SLIT3: variants seen among roughly 807,000 people sequenced by gnomAD.
SLIT3 encodes the protein slit homolog 3 protein.
A neutral mutation model predicts 184.0 loss-of-function variants in SLIT3; 68 were observed. The observed-to-expected ratio is 0.37, with a 90% CI of 0.30 to 0.45. The LOEUF (loss-of-function observed/expected upper bound fraction) is 0.45, where lower values mean the gene tolerates loss of function less well. Among genes scored for constraint, SLIT3 ranks in the 20% least tolerant of loss-of-function variants. The probability of loss-of-function intolerance (pLI) is 1.00; values close to 1 mark genes in which losing one functional copy is unlikely to be tolerated. For missense variants in SLIT3, 1,707 were observed against 2,026.0 expected (o/e 0.84, Z 3.02); for synonymous variants, 831 against 828.6 (o/e 1.00, Z -0.05).
chr5:168,694,611 A>C (rs10062544), intron 28 of SLIT3, among the ~76,000 whole-genome samples: 76,508 of 151,460 alleles, frequency 0.51, 19,758 homozygotes, highest in East Asian at 0.76. Flanking sequence ...CTCTTTCTTT[A>C]TCTCTCTCTC....
At chr5:169,260,971 T>C (rs1022342686) in intron 1 of SLIT3, among the ~76,000 whole-genome samples, 1 of 152,248 alleles carries the variant, frequency 6.6e-6, no homozygotes, top group African/African-American at 2.4e-5. Flanking sequence ...ATGTTTTCTA[T>C]CACAACTATT....
intron 7 of SLIT3, among the ~76,000 whole-genome samples, chr5:168,820,928 C>T (rs1238735889): frequency 6.6e-6 from 1 of 152,098 alleles, no homozygotes; most frequent in Non-Finnish European, 1.5e-5. Context: ...TCTCCTCTTC[C>T]CCGCTTCTCC....
chr5:169,184,937 T>C lies in SLIT3; in HGVS notation c.413+8542A>G, dbSNP rs76628246. ...TGCTATTCCTAGCTCAAAAATTCTG[T>C]AATGCAAGAATCTACAAGGCAATTT... is the stretch of plus-strand genomic sequence containing the variant. On this transcript the variant is annotated intron_variant, in intron 4 of 35. Transcript: ENST00000519560. 0.017 allele frequency among the ~76,000 whole-genome samples: 2,658 copies of C among 152,312 alleles called. 159 individuals carry two copies. In the East Asian group the frequency reaches 0.22, roughly 13 times the overall value.
At chr5:168,706,229 G>T (rs529203082) in intron 26 of SLIT3, among the ~76,000 whole-genome samples, 1 of 152,326 alleles carries the variant, frequency 6.6e-6, no homozygotes, top group East Asian at 1.9e-4. Flanking sequence ...TGAATGCCAG[G>T]TATCATCCTA....
At position 168,817,487 on chromosome 5, in the gene SLIT3, A is replaced by G. The variant is rs80155603; in HGVS notation, c.630-24T>C. 9.0e-4 allele frequency: 1,420 copies of G among 1,583,972 alleles called. 14 individuals are homozygous for G. In the African/African-American group the frequency reaches 0.02, roughly 22 times the overall value. The stretch of plus-strand genomic sequence containing the variant: ...GCCTGGGAGAGGGCGGGACAGAGAG[A>G]AGGCATGGTCACAGGTGAAGTGTGG... On this transcript the variant is annotated intron_variant, in intron 7 of 35. Transcript: ENST00000519560.
chr5:169,088,748 G>A lies in SLIT3; in HGVS notation c.413+104731C>T, dbSNP rs866960491. On this transcript the variant is annotated intron_variant, in intron 4 of 35. Transcript: ENST00000519560. ...AGAAGAGCTGACTGTGGCTGGGCAC[G>A]GTGGCTCATGCCTGTAATCCCAGCA... Among the ~76,000 whole-genome samples, 13 of 151,962 alleles carry A rather than the reference G, an allele frequency of 8.6e-5. 1 individual carries two copies. The highest frequency in any genetic ancestry group is 4.2e-4 in the South Asian group (2 of 4,818).
At position 168,669,801 on chromosome 5, in the gene SLIT3, C is replaced by A; in HGVS notation, c.4318G>T (p.Gly1440Cys). ...GACCCACCTTGTTGGCAGTGCTCGC[C>A]GCTAAAGCCGGGCTGGCACAGGCAG... is the stretch of plus-strand genomic sequence containing the variant. ...PYCLCQPGFS[G>C]EHCQQENPCL... Residue 1440 changes from glycine (G) to cysteine (C), a missense_variant, in exon 35 of 36, where the codon GGC (glycine) becomes TGC (cysteine). Around this residue, in one of 3 missense-constraint regions of SLIT3, gnomAD observed 387 missense variants for 477.9 expected, o/e 0.81. Transcript: ENST00000519560. 6.2e-7 allele frequency: 1 copy of A among 1,613,666 alleles called. No homozygotes were observed.
intron 20 of SLIT3, among the ~76,000 whole-genome samples, chr5:168,726,677 A>G (rs1763140267): frequency 6.6e-6 from 1 of 151,970 alleles, no homozygotes; most frequent in African/African-American, 2.4e-5. Flanking sequence ...TACTGCAGAA[A>G]GATGCAGTTG....
At chr5:168,672,823 T>A (rs1453705104) in intron 33 of SLIT3, among the ~76,000 whole-genome samples, 1 of 152,120 alleles carries the variant, frequency 6.6e-6, no homozygotes, top group Non-Finnish European at 1.5e-5. Context: ...TCTACATTCA[T>A]TAATTGAACC....
rs1414367548 is a variant in SLIT3, at chr5:168,760,744, G to A, written c.1685+118C>T. 2.7e-5 allele frequency: 20 copies of A among 735,122 alleles called. No homozygotes were observed. In the South Asian group the frequency reaches 3.3e-4, roughly 12 times the overall value. The allele number at this position is 735,122 out of a possible 1,614,324, so 45.5% of individuals were successfully genotyped here. A position where few individuals can be genotyped will look rare whatever the true frequency, so the allele number is the denominator to read the frequency against. ...AGGCCACAGCGGGGCTGAGGAGAAG[G>A]CTGGGAGGGAGTGGAGCAGAGGCTG... On this transcript the variant is annotated intron_variant, in intron 16 of 35. Transcript: ENST00000519560.
At chr5:168,726,250 T>C (rs551738319) in intron 20 of SLIT3, among the ~76,000 whole-genome samples, 1 of 151,546 alleles carries the variant, frequency 6.6e-6, no homozygotes, top group Non-Finnish European at 1.5e-5. Flanking sequence ...AAGTATTTAT[T>C]GAACGATTAT....
chr5:168,855,067 A>G (rs1240157640), intron 5 of SLIT3, among the ~76,000 whole-genome samples: 3 of 152,250 alleles, frequency 2.0e-5, no homozygotes, highest in Non-Finnish European at 4.4e-5. Context: ...TATCAGCAAC[A>G]GGAGAGCGGG....
At chr5:168,744,085 C>G (rs1019902387) in intron 20 of SLIT3, among the ~76,000 whole-genome samples, 2 of 152,124 alleles carry the variant, frequency 1.3e-5, no homozygotes, top group African/African-American at 4.8e-5. Flanking sequence ...GTCAGGAGAT[C>G]GAGACCATCC....
At position 168,752,994 on chromosome 5, in the gene SLIT3, G is replaced by T. The variant is rs765735352; in HGVS notation, c.1934C>A (p.Thr645Asn). 3 of 1,614,084 alleles carry T rather than the reference G, an allele frequency of 1.9e-6. No individual in the cohort carries two copies. Among genetic ancestry groups the T allele is most frequent in the Non-Finnish European group, 2.5e-6 (3 of 1,180,004 alleles). The change falls in exon 18 of 36, where the codon ACC (threonine) becomes AAC (asparagine). Residue 645 changes from threonine to asparagine, a missense_variant. Coordinates refer to ENST00000519560, the MANE Select transcript of SLIT3 (RefSeq NM_003062.4). Reference protein sequence around the residue: ...SLYDNRITTITPGAFTTLVSL... With the variant: ...SLYDNRITTINPGAFTTLVSL... ...GACAAGCGTGGTGAAGGCCCCAGGGGTGATGGTGGTGATCCGATTGTCATA... is the reference window on the plus strand; with the variant it reads ...GACAAGCGTGGTGAAGGCCCCAGGGTTGATGGTGGTGATCCGATTGTCATA...
chr5:169,224,542 T>C (rs1458257318), intron 3 of SLIT3, among the ~76,000 whole-genome samples: 1 of 151,994 alleles, frequency 6.6e-6, no homozygotes, highest in Non-Finnish European at 1.5e-5. Context: ...TAACCTTTTG[T>C]ATTTTTGTAG....
At chr5:168,987,622 A>C (rs1024368690) in intron 4 of SLIT3, among the ~76,000 whole-genome samples, 1 of 152,242 alleles carries the variant, frequency 6.6e-6, no homozygotes, top group African/African-American at 2.4e-5. Flanking sequence ...CCTTGGTAAC[A>C]TAATGATAGT....
chr5:169,107,529 G>A (rs952037324), intron 4 of SLIT3, among the ~76,000 whole-genome samples: 11 of 152,190 alleles, frequency 7.2e-5, no homozygotes, highest in Non-Finnish European at 1.0e-4. Flanking sequence ...AGATTTCTGC[G>A]TGGTGATAAC....
At chr5:169,106,668 C>T (rs1439915471) in intron 4 of SLIT3, among the ~76,000 whole-genome samples, 1 of 152,134 alleles carries the variant, frequency 6.6e-6, no homozygotes, top group Non-Finnish European at 1.5e-5. Context: ...ATACTGCATC[C>T]CCTCCCTGTC....
At chr5:168,740,145 G>A (rs1763575778) in intron 20 of SLIT3, among the ~76,000 whole-genome samples, 1 of 152,150 alleles carries the variant, frequency 6.6e-6, no homozygotes, top group South Asian at 2.1e-4. Context: ...GCCTCTGGTG[G>A]AATGGGCATG....
Sources: allele counts gnomAD v4.1 joint callset (sites outside exome capture counted in the v4.1 genomes callset), GRCh38; gene constraint gnomAD v4.1.1; regional missense constraint gnomAD v4.1.1; transcripts MANE v1.5; gene names NCBI Gene and HGNC (gene_info 2026-07-23, HGNC 2026-07-21).